The following STK32A variants were observed in gnomAD, a reference collection of about 807,000 sequenced individuals.
STK32A encodes serine/threonine-protein kinase 32A.
A neutral mutation model predicts 53.2 loss-of-function variants in STK32A; 41 were observed. That is an observed-to-expected ratio of 0.77 (90% CI 0.60 to 1.00). The LOEUF (loss-of-function observed/expected upper bound fraction) is 1.00, where lower values mean the gene tolerates loss of function less well. Ranked by LOEUF, STK32A falls within the 50% of genes least tolerant of loss-of-function variation. The pLI, the probability that STK32A is intolerant of heterozygous loss-of-function variation, is 0.00. For missense variants in STK32A, 458 were observed against 485.8 expected, an observed-to-expected ratio of 0.94 and a Z score of 0.54; for synonymous variants, 166 against 162.8, an observed-to-expected ratio of 1.02 and a Z score of -0.15.
chr5:147,363,652 C>T (rs1406872893), intron 8 of STK32A, among the ~76,000 whole-genome samples: 1 of 152,126 alleles, frequency 6.6e-6, no homozygotes, highest in East Asian at 1.9e-4. Flanking sequence ...AGTCTGACAG[C>T]CTTTCTCCAT....
At chr5:147,347,058 G>A (rs1402702926) in intron 6 of STK32A, among the ~76,000 whole-genome samples, 1 of 152,122 alleles carries the variant, frequency 6.6e-6, no homozygotes, top group Middle Eastern at 3.2e-3. Context: ...AGTGCCTAAG[G>A]ATATACATTT....
intron 1 of STK32A, among the ~76,000 whole-genome samples, chr5:147,237,148 TA>T: frequency 6.6e-6 from 1 of 152,018 alleles, no homozygotes; most frequent in East Asian, 1.9e-4. Context: ...CCATCTCTAC[TA>T]AAAATACAAA....
the STK32A span, chr5:147,395,576 G>A: frequency 5.0e-6 from 8 of 1,612,930 alleles, no homozygotes; most frequent in Non-Finnish European, 6.8e-6. Context: ...GCTAAATCCC[G>A]ACTGATGAAG....
chr5:147,239,552 G>T lies in STK32A; in HGVS notation c.-83G>T. The T allele has an allele frequency of 1.9e-6, 2 of 1,080,982 alleles. No individual in the cohort carries two copies. The highest frequency in any genetic ancestry group is 2.7e-6 in the Non-Finnish European group (2 of 737,178). 67.0% of individuals were successfully genotyped at this position (1,080,982 alleles called of 1,614,324 possible). ...TTCCTATCCTAGATATCCAACTAAG[G>T]CTTCGGGACATGTTTTGAGCGAAGA... On this transcript the variant is annotated 5_prime_UTR_variant, in exon 2 of 13. Coordinates refer to ENST00000397936, the MANE Select transcript of STK32A (RefSeq NM_001112724.2).
chr5:147,375,149 A>C lies in STK32A; in HGVS notation c.963A>C (p.Lys321Asn). The change falls in exon 11 of 13, where the codon AAA becomes AAC. Residue 321 changes from lysine to asparagine, a missense_variant. Transcript: ENST00000397936. ...TTGAGGAAATGATTTTGGAGTCCAA[A>C]CCTCTACATAAGAAAAAAAAGCGTC... The part of the protein sequence containing the change: ...FELEEMILES[K>N]PLHKKKKRLA... 6.2e-7 allele frequency: 1 copy of C among 1,610,134 alleles called. No individual in the cohort carries two copies. The highest frequency in any genetic ancestry group is 8.5e-7 in the Non-Finnish European group (1 of 1,178,322).
chr5:147,257,610 C>T (rs568676778), intron 2 of STK32A, among the ~76,000 whole-genome samples: 3 of 152,096 alleles, frequency 2.0e-5, no homozygotes, highest in African/African-American at 4.8e-5. Flanking sequence ...GAGGGGGCAG[C>T]GCTTTCTTGA....
chr5:147,348,527 C>T (rs1755801044), intron 6 of STK32A, among the ~76,000 whole-genome samples: 1 of 152,184 alleles, frequency 6.6e-6, no homozygotes, highest in African/African-American at 2.4e-5. Flanking sequence ...CTGGGCACTA[C>T]ATTGTAGGAA....
chr5:147,351,983 A>G (rs1756008159), intron 7 of STK32A, among the ~76,000 whole-genome samples: 1 of 152,254 alleles, frequency 6.6e-6, no homozygotes, highest in South Asian at 2.1e-4. Context: ...TTTACAAAAT[A>G]CATTCCCAGC....
chr5:147,373,107 T>C, intron 9 of STK32A, 62 bp from the exon 10 acceptor site: 1 of 1,597,494 alleles, frequency 6.3e-7, no homozygotes, highest in Non-Finnish European at 8.5e-7. Context: ...AGGGAATTTG[T>C]ATGATTTTTT....
chr5:147,326,373 G>T (rs1581097457), intron 5 of STK32A, among the ~76,000 whole-genome samples: 1 of 152,130 alleles, frequency 6.6e-6, no homozygotes, highest in East Asian at 1.9e-4. Flanking sequence ...CATTTTGAGT[G>T]CAGTGTTAAA....
At chr5:147,320,433 C>A (rs1754253020) in intron 4 of STK32A, among the ~76,000 whole-genome samples, 1 of 96,998 alleles carries the variant, frequency 1.0e-5, no homozygotes, top group South Asian at 3.0e-4. Context: ...CCTTGCTTCT[C>A]TCCTTTCTTT....
chr5:147,334,112 A>G (rs949694000), intron 5 of STK32A, among the ~76,000 whole-genome samples: 4 of 152,192 alleles, frequency 2.6e-5, no homozygotes, highest in Non-Finnish European at 5.9e-5. Context: ...AAACCATAGG[A>G]AATTAGAAGT....
chr5:147,251,311 A>G (rs556736156), intron 2 of STK32A, among the ~76,000 whole-genome samples: 3 of 152,182 alleles, frequency 2.0e-5, no homozygotes, highest in Non-Finnish European at 4.4e-5. Context: ...AGGGAGTTCA[A>G]TTTGGAAGCA....
chr5:147,324,608 G>A (rs7719751), intron 5 of STK32A, among the ~76,000 whole-genome samples: 8,047 of 152,066 alleles, frequency 0.053, 724 homozygotes, highest in African/African-American at 0.18. Flanking sequence ...AAACCATAAA[G>A]CTATAGAGAT....
chr5:147,350,974 C>T (rs367565215), intron 6 of STK32A, 91 bp from the exon 7 acceptor site: 2 of 1,065,608 alleles, frequency 1.9e-6, no homozygotes, highest in Middle Eastern at 4.0e-4. Flanking sequence ...CAAGAATTAA[C>T]AGACTAATTG....
intron 2 of STK32A, among the ~76,000 whole-genome samples, chr5:147,250,734 G>A (rs181611255): frequency 5.9e-5 from 9 of 152,194 alleles, no homozygotes; most frequent in Non-Finnish European, 1.2e-4. Context: ...AAGGTCAGGA[G>A]ATCGAGACCA....
At chr5:147,299,778 C>T (rs1041407585) in intron 4 of STK32A, among the ~76,000 whole-genome samples, 2 of 152,132 alleles carry the variant, frequency 1.3e-5, no homozygotes, top group African/African-American at 2.4e-5. Flanking sequence ...CTAACTTGTT[C>T]GCCAAAAATT....
intron 5 of STK32A, among the ~76,000 whole-genome samples, chr5:147,341,830 A>T (rs1423765644): frequency 6.6e-6 from 1 of 152,198 alleles, no homozygotes; most frequent in East Asian, 1.9e-4. Flanking sequence ...GCCACTTCAA[A>T]CACACAATTT....
chr5:147,287,241 GT>G (rs1266006735), intron 4 of STK32A, among the ~76,000 whole-genome samples: 2 of 152,172 alleles, frequency 1.3e-5, no homozygotes, highest in African/African-American at 2.4e-5. Context: ...TTTCTTGTGT[GT>G]CAAGGTCTTT....
Sources: allele counts gnomAD v4.1 joint callset (sites outside exome capture counted in the v4.1 genomes callset), GRCh38; gene constraint gnomAD v4.1.1; transcripts MANE v1.5; gene names NCBI Gene and HGNC (gene_info 2026-07-23, HGNC 2026-07-21).